The following FARP2 variants were observed in gnomAD, a reference collection of about 807,000 sequenced individuals.
FARP2 encodes FERM, ARHGEF and pleckstrin domain-containing protein 2.
In FARP2, 111 loss-of-function variants were observed where a neutral mutation model predicts 130.5. The observed-to-expected ratio is 0.85, with a 90% CI of 0.73 to 1.00. The LOEUF (loss-of-function observed/expected upper bound fraction) is 1.00. Ranked by LOEUF, FARP2 falls within the 50% of genes least tolerant of loss-of-function variation. FARP2 has a pLI of 0.00. For missense variants in FARP2, 1,385 were observed against 1,346.3 expected (o/e 1.03, Z -0.45); for synonymous variants, 504 against 516.9 (o/e 0.98, Z 0.34).
intron 17 of FARP2, 128 bp from the exon 18 acceptor site, chr2:241,468,012 G>A (rs1015317330): frequency 4.4e-5 from 32 of 735,078 alleles, no homozygotes; most frequent in African/African-American, 3.8e-4. Flanking sequence ...GCTGGCGCAC[G>A]CTGGGCCACT....
At chr2:241,359,492 G>A (rs1275786510) in intron 1 of FARP2, among the ~76,000 whole-genome samples, 1 of 152,064 alleles carries the variant, frequency 6.6e-6, no homozygotes, top group East Asian at 1.9e-4. Flanking sequence ...CCTCCCCTCG[G>A]GTGTCTCAGC....
chr2:241,460,601 T>A lies in FARP2; in HGVS notation c.1588-1922T>A, dbSNP rs775835320. On this transcript the variant is annotated intron_variant, in intron 14 of 26. Transcript: ENST00000264042. Reference sequence around the variant, plus strand: ...CCAAGAAAAGACTTTGTAAAGAGATTTTACTGAATTTGGATTTGAAAGATG... The same window carrying A: ...CCAAGAAAAGACTTTGTAAAGAGATATTACTGAATTTGGATTTGAAAGATG... Among the ~76,000 whole-genome samples the A allele has an allele frequency of 7.9e-5, 12 of 152,118 alleles. 1 individual carries two copies. The highest frequency in any genetic ancestry group is 4.1e-4 in the South Asian group (2 of 4,826).
At chr2:241,417,031 T>A (rs1461764480) in intron 7 of FARP2, among the ~76,000 whole-genome samples, 1 of 152,188 alleles carries the variant, frequency 6.6e-6, no homozygotes, top group Non-Finnish European at 1.5e-5. Flanking sequence ...CCGGGCGCAG[T>A]GGCTCTCGCC....
chr2:241,456,780 C>G lies in FARP2; in HGVS notation c.1445C>G (p.Ser482Cys), dbSNP rs2063851637. The G allele has an allele frequency of 1.2e-6, 2 of 1,614,198 alleles. No homozygotes were observed. The highest frequency in any genetic ancestry group is 1.7e-6 in the Non-Finnish European group (2 of 1,180,018). Reference sequence around the variant, plus strand: ...ACGAAGAGTCCTCAGCCTTCTCCCTCCAGCCGGAAGAGCCCCCTGAGTCTG... The same window carrying G: ...ACGAAGAGTCCTCAGCCTTCTCCCTGCAGCCGGAAGAGCCCCCTGAGTCTG... ...LSTKSPQPSP[S>C]SRKSPLSLSP... The change falls in exon 14 of 27, where the codon TCC (serine) becomes TGC (cysteine). Residue 482 changes from serine (S) to cysteine (C), a missense_variant. By Grantham distance (112) the Ser-to-Cys change is moderately radical (BLOSUM62 -1). Transcript: ENST00000264042.
At chr2:241,428,047 T>C (rs1039212812) in intron 8 of FARP2, among the ~76,000 whole-genome samples, 1 of 152,128 alleles carries the variant, frequency 6.6e-6, no homozygotes, top group East Asian at 1.9e-4. Context: ...ATTACAGGCA[T>C]GAGCCACCAC....
At position 241,494,373 on chromosome 2, in the gene FARP2, T is replaced by A; in HGVS notation, c.*248T>A. On this transcript the variant is annotated 3_prime_UTR_variant, in exon 27 of 27. Transcript: ENST00000264042. The surrounding 1 kb of genome is among the most constrained non-coding windows in gnomAD (Gnocchi z 4.9). The stretch of plus-strand genomic sequence containing the variant: ...GTGCGAGTCTTGAGCGCGGAGCCGC[T>A]CAAGCCACAGCTCCCAGGCCCCTGG... The A allele has an allele frequency of 1.1e-4, 33 of 292,538 alleles. No individual in the cohort carries two copies. Among genetic ancestry groups the A allele is most frequent in the Non-Finnish European group, 1.4e-4 (22 of 157,614 alleles). The allele number at this position is 292,538 out of a possible 1,614,324, so 18.1% of individuals were successfully genotyped here.
intron 18 of FARP2, among the ~76,000 whole-genome samples, chr2:241,473,436 G>T (rs949886615): frequency 2.6e-5 from 4 of 152,132 alleles, no homozygotes; most frequent in Non-Finnish European, 5.9e-5. Flanking sequence ...GCACTACTCT[G>T]TGGAGACCCT....
intron 17 of FARP2, chr2:241,466,694 C>CTG (rs1433543345): frequency 7.0e-5 from 48 of 689,368 alleles, no homozygotes; most frequent in Non-Finnish European, 8.4e-5. Flanking sequence ...CAACCACCCC[C>CTG]CCCCCCACCA....
At chr2:241,456,646 GA>G in intron 13 of FARP2, 100 bp from the exon 14 acceptor site, 1 of 1,139,528 alleles carries the variant, frequency 8.8e-7, no homozygotes, top group Non-Finnish European at 1.3e-6. Context: ...GGCACTGTGT[GA>G]GGCTGGCGGT....
chr2:241,453,434 A>G (rs545659703), intron 13 of FARP2, among the ~76,000 whole-genome samples: 13 of 152,000 alleles, frequency 8.6e-5, no homozygotes, highest in South Asian at 8.3e-4. Context: ...CATCCTGGCT[A>G]ACATGGTGAA....
At chr2:241,441,596 T>C in intron 13 of FARP2, 40 bp downstream of exon 13, 1 of 1,613,668 alleles carries the variant, frequency 6.2e-7, no homozygotes, top group Non-Finnish European at 8.5e-7. Context: ...TGTGGTTCTG[T>C]CTGTGCTGGG....
intron 2 of FARP2, among the ~76,000 whole-genome samples, chr2:241,398,086 C>T (rs2062076045): frequency 1.3e-5 from 2 of 152,128 alleles, no homozygotes; most frequent in South Asian, 4.1e-4. Context: ...CCGCCTCGGC[C>T]TCCCAAAGTG....
At position 241,403,897 on chromosome 2, in the gene FARP2, T is replaced by C; in HGVS notation, c.253T>C (p.Phe85Leu). 6.2e-7 allele frequency: 1 copy of C among 1,613,512 alleles called. No individual in the cohort carries two copies. The highest frequency in any genetic ancestry group is 8.5e-7 in the Non-Finnish European group (1 of 1,179,400). The change falls in exon 3 of 27, where the codon TTC (phenylalanine) becomes CTC (leucine). Residue 85 changes from phenylalanine (F) to leucine (L), a missense_variant. By Grantham distance (22) the Phe-to-Leu change is conservative. Transcript: ENST00000264042. Reference protein sequence around the residue: ...KRLNLVECDYFGMEFQNTQSY... With the variant: ...KRLNLVECDYLGMEFQNTQSY... Reference sequence around the variant, plus strand: ...TTTAAACCTGGTAGAATGTGACTACTTCGGGATGGAGTTTCAAAATACTCA... The same window carrying C: ...TTTAAACCTGGTAGAATGTGACTACCTCGGGATGGAGTTTCAAAATACTCA...
intron 21 of FARP2, chr2:241,489,018 C>T (rs2064830788): frequency 6.6e-6 from 1 of 152,230 alleles, no homozygotes. Context: ...GGACAAATTC[C>T]TTACAAAAAC....
At chr2:241,400,234 T>G (rs3755398) in intron 2 of FARP2, among the ~76,000 whole-genome samples, 117,853 of 151,746 alleles carry the variant, frequency 0.78, 45,938 homozygotes, top group Middle Eastern at 0.85. Flanking sequence ...TGAAAAAGGG[T>G]ACAGCTAAGA....
At chr2:241,457,154 A>G (rs2063868489) in intron 14 of FARP2, among the ~76,000 whole-genome samples, 1 of 152,112 alleles carries the variant, frequency 6.6e-6, no homozygotes, top group South Asian at 2.1e-4. Flanking sequence ...TCGTACAAAA[A>G]CGAGTTTCCT....
chr2:241,437,818 C>T (rs895354025), intron 12 of FARP2, among the ~76,000 whole-genome samples: 29 of 151,952 alleles, frequency 1.9e-4, no homozygotes, highest in Non-Finnish European at 3.2e-4. Context: ...GTGCCCGCCA[C>T]CACGCCTGGC....
intron 18 of FARP2, among the ~76,000 whole-genome samples, chr2:241,473,830 C>G (rs1264214533): frequency 6.6e-6 from 1 of 152,188 alleles, no homozygotes; most frequent in Non-Finnish European, 1.5e-5. Flanking sequence ...TGGTAGCTGC[C>G]AAGACCTATG....
intron 1 of FARP2, among the ~76,000 whole-genome samples, chr2:241,365,458 A>C (rs2061282912): frequency 6.6e-6 from 1 of 152,230 alleles, no homozygotes; most frequent in South Asian, 2.1e-4. Flanking sequence ...TCTGATGCTT[A>C]GTTAGCATTC....
Sources: allele counts gnomAD v4.1 joint callset (sites outside exome capture counted in the v4.1 genomes callset), GRCh38; gene constraint gnomAD v4.1.1; non-coding constraint Gnocchi (gnomAD v3.1); transcripts MANE v1.5; gene names NCBI Gene and HGNC (gene_info 2026-07-23, HGNC 2026-07-21).